The following VIPR2 variants were observed in gnomAD, a reference collection of about 807,000 sequenced individuals.
The protein encoded by VIPR2 is vasoactive intestinal peptide receptor 2.
A neutral mutation model predicts 58.0 loss-of-function variants in VIPR2; 48 were observed. That is an observed-to-expected ratio of 0.83 (90% CI 0.66 to 1.05). The LOEUF (loss-of-function observed/expected upper bound fraction) is 1.05, where lower values mean the gene tolerates loss of function less well. VIPR2 is among the 50% of genes least tolerant of loss of function. VIPR2 has a pLI of 0.00. For synonymous variants in VIPR2, 243 were observed against 235.2 expected (o/e 1.03, Z -0.30); for missense variants, 534 against 558.0 (o/e 0.96, Z 0.43).
intron 2 of VIPR2, among the ~76,000 whole-genome samples, chr7:159,113,061 G>A (rs1211870383): frequency 1.3e-5 from 2 of 152,224 alleles, no homozygotes; most frequent in Admixed American, 1.3e-4. Context: ...CTCTAGGAGT[G>A]AGAGAAGAGA....
chr7:159,115,588 A>G (rs1475694569), intron 2 of VIPR2, among the ~76,000 whole-genome samples: 10 of 152,218 alleles, frequency 6.6e-5, no homozygotes, highest in Admixed American at 4.6e-4. Flanking sequence ...CAGGACTTCA[A>G]TCTGTCTGCT....
chr7:159,085,171 C>T (rs968939804), intron 4 of VIPR2, among the ~76,000 whole-genome samples: 7 of 152,204 alleles, frequency 4.6e-5, no homozygotes, highest in South Asian at 2.1e-4. Context: ...TCAGGACCAT[C>T]GTCATGATGG....
chr7:159,062,614 T>C (rs1280540001), intron 4 of VIPR2, among the ~76,000 whole-genome samples: 1 of 152,122 alleles, frequency 6.6e-6, no homozygotes, highest in Admixed American at 6.5e-5. Context: ...GCCGCAGACA[T>C]TCCTAGTGAG....
At chr7:159,117,217 C>G in intron 2 of VIPR2, 1 of 671,850 alleles carries the variant, frequency 1.5e-6, no homozygotes, top group Non-Finnish European at 2.8e-6. Flanking sequence ...TAGAAGGTCC[C>G]TTGCCATCTC....
chr7:159,054,323 A>C (rs1855175215), intron 5 of VIPR2, among the ~76,000 whole-genome samples: 1 of 152,252 alleles, frequency 6.6e-6, no homozygotes, highest in Admixed American at 6.5e-5. Context: ...ACAATGACAT[A>C]AAGAAACAAA....
chr7:159,137,632 A>G (rs1675009158), intron 2 of VIPR2, among the ~76,000 whole-genome samples: 1 of 152,194 alleles, frequency 6.6e-6, no homozygotes, highest in African/African-American at 2.4e-5. Flanking sequence ...CGATCTCCCA[A>G]AGTGCTGGGG....
intron 6 of VIPR2, among the ~76,000 whole-genome samples, chr7:159,039,608 T>TTGCCACAGGGGTGGCACC (rs1563262060): frequency 1.3e-5 from 2 of 152,084 alleles, no homozygotes; most frequent in Non-Finnish European, 2.9e-5. Flanking sequence ...TGGGTGGCGC[T>TTGCCACAGGGGTGGCACC]TTGCGATGGG....
At chr7:159,144,678 CG>C (rs1563365086) in intron 1 of VIPR2, 42 bp downstream of exon 1, 2 of 1,348,972 alleles carry the variant, frequency 1.5e-6, no homozygotes, top group Non-Finnish European at 1.9e-6. Context: ...AGGGGAGAAC[CG>C]GGTCCGAGGC....
intron 2 of VIPR2, among the ~76,000 whole-genome samples, chr7:159,137,517 T>G (rs1797279378): frequency 6.6e-6 from 1 of 152,146 alleles, no homozygotes; most frequent in African/African-American, 2.4e-5. Context: ...GCTGGGACTA[T>G]AGGTGTGTGT....
chr7:159,049,550 C>T lies in VIPR2; in HGVS notation c.456-6374G>A, dbSNP rs544083984. ...GCAGCCTCACCCGCCACAGCAGAAA[C>T]GGGAGATAAGGGCTGTTGGGTGACC... On this transcript the variant is annotated intron_variant, in intron 5 of 12. Coordinates refer to ENST00000262178, the MANE Select transcript of VIPR2 (RefSeq NM_003382.5). Among the ~76,000 whole-genome samples, 183 of 152,308 alleles carry T rather than the reference C, an allele frequency of 1.2e-3. 3 individuals carry two copies. Among genetic ancestry groups the T allele is most frequent in the African/African-American group, 4.1e-3 (169 of 41,568 alleles).
rs1255003352 is a variant in VIPR2, at chr7:159,142,428, AC to A, written c.151+17del. 5 of 1,606,214 alleles carry A rather than the reference AC, an allele frequency of 3.1e-6. No homozygotes were observed. The East Asian group carries it at 1.1e-4, about 36-fold the overall frequency. ...GAGAATGTCACGGGAGTTCTTACTC[AC>A]CAAGCCTCTGCCTTACCTTTGTGTT... On this transcript the variant is annotated intron_variant, in intron 2 of 12. Transcript: ENST00000262178.
In VIPR2 at chr7:159,030,555, TCAGCCCCGCAG is replaced by T; in HGVS notation, c.*50_*60del. The T allele has an allele frequency of 6.8e-7, 1 of 1,467,844 alleles. No homozygotes were observed. The highest frequency in any genetic ancestry group is 9.0e-7 in the Non-Finnish European group (1 of 1,105,896). The allele number at this position is 1,467,844 out of a possible 1,614,324, so 90.9% of individuals were successfully genotyped here. A position where few individuals can be genotyped will look rare whatever the true frequency, so the allele number is the denominator to read the frequency against. On this transcript the variant is annotated 3_prime_UTR_variant, in exon 13 of 13. Transcript: ENST00000262178. ...CATCTGGAAGGAGGAAGCCGGCGTC[TCAGCCCCGCAG>T]AAGCCCCGAACCGTGGGCCTCCCGC...
At chr7:159,069,174 G>A (rs535035401) in intron 4 of VIPR2, among the ~76,000 whole-genome samples, 4 of 152,206 alleles carry the variant, frequency 2.6e-5, no homozygotes, top group East Asian at 1.9e-4. Flanking sequence ...TTTCACTACC[G>A]CCTCAGCAAC....
intron 3 of VIPR2, among the ~76,000 whole-genome samples, chr7:159,106,981 TC>T (rs1795771849): frequency 9.7e-6 from 1 of 102,892 alleles, no homozygotes; most frequent in Non-Finnish European, 2.0e-5. Flanking sequence ...AGAGAGGCCA[TC>T]CAGGGGCAGA....
At chr7:159,089,708 A>G (rs1373323507) in intron 4 of VIPR2, among the ~76,000 whole-genome samples, 1 of 152,200 alleles carries the variant, frequency 6.6e-6, no homozygotes, top group East Asian at 1.9e-4. Flanking sequence ...AAACAACAAC[A>G]ACAACAACAG....
intron 2 of VIPR2, among the ~76,000 whole-genome samples, chr7:159,121,984 T>C (rs991517798): frequency 6.6e-6 from 1 of 152,190 alleles, no homozygotes; most frequent in African/African-American, 2.4e-5. Context: ...CATTGACAGA[T>C]ACAAAAGCCA....
chr7:159,144,618 C>T (rs1405581339), intron 1 of VIPR2, 103 bp downstream of exon 1: 1 of 1,388,936 alleles, frequency 7.2e-7, no homozygotes, highest in South Asian at 1.6e-5. Context: ...GCCCGCGCTC[C>T]AGCACCCGGG....
At chr7:159,085,203 A>G (rs574122082) in intron 4 of VIPR2, among the ~76,000 whole-genome samples, 2 of 152,332 alleles carry the variant, frequency 1.3e-5, no homozygotes, top group African/African-American at 4.8e-5. Flanking sequence ...GCAATTTACA[A>G]AACGAATTCA....
rs886746680 is a variant in VIPR2, at chr7:159,030,917, G to A, written c.1144-128C>T. Reference sequence around the variant, plus strand: ...TCCCGTATCTGTGTTGCCAGCAGATGGACAGAAACAGAAACGGCCTTGGGG... The same window carrying A: ...TCCCGTATCTGTGTTGCCAGCAGATAGACAGAAACAGAAACGGCCTTGGGG... On this transcript the variant is annotated intron_variant, in intron 12 of 12. Transcript: ENST00000262178. 12 of 1,259,364 alleles carry A rather than the reference G, an allele frequency of 9.5e-6. No individual in the cohort carries two copies. The African/African-American group carries it at 1.5e-4, about 16-fold the overall frequency. 78.0% of individuals were successfully genotyped at this position (1,259,364 alleles called of 1,614,324 possible).
Sources: allele counts gnomAD v4.1 joint callset (sites outside exome capture counted in the v4.1 genomes callset), GRCh38; gene constraint gnomAD v4.1.1; transcripts MANE v1.5; gene names NCBI Gene and HGNC (gene_info 2026-07-23, HGNC 2026-07-21).